The following FGF12 variants were observed in gnomAD, a reference collection of about 807,000 sequenced individuals.
FGF12 encodes fibroblast growth factor 12, also known as fibroblast growth factor 12B.
In FGF12, 14 loss-of-function variants were observed where a neutral mutation model predicts 23.6. That is an observed-to-expected ratio of 0.59 (90% CI 0.39 to 0.93). FGF12 has a LOEUF of 0.93. FGF12 is among the 40% of genes least tolerant of loss of function. FGF12 has a pLI of 0.00. For synonymous variants in FGF12, 62 were observed against 77.3 expected, an observed-to-expected ratio of 0.80 and a Z score of 1.04; for missense variants, 175 against 217.8, an observed-to-expected ratio of 0.80 and a Z score of 1.24.
At chr3:192,400,431 C>T (rs1020819217) in intron 2 of FGF12, among the ~76,000 whole-genome samples, 2 of 146,030 alleles carry the variant, frequency 1.4e-5, no homozygotes, top group African/African-American at 2.5e-5. Flanking sequence ...TGCAATGACA[C>T]GACCTTGGCT....
intron 2 of FGF12, among the ~76,000 whole-genome samples, chr3:192,506,417 C>G (rs1724299979): frequency 6.6e-6 from 1 of 152,252 alleles, no homozygotes; most frequent in Non-Finnish European, 1.5e-5. Flanking sequence ...GCAGCCCAGG[C>G]TGGAGTGCAG....
chr3:192,168,159 T>G (rs556096636), intron 5 of FGF12, among the ~76,000 whole-genome samples: 1 of 152,272 alleles, frequency 6.6e-6, no homozygotes. Flanking sequence ...TTTCTTTTCT[T>G]CATACTTTCC....
chr3:192,306,091 A>G (rs951346166), intron 4 of FGF12, among the ~76,000 whole-genome samples: 1 of 151,968 alleles, frequency 6.6e-6, no homozygotes, highest in African/African-American at 2.4e-5. Context: ...CGATCTCCTG[A>G]CCTCGTGATC....
intron 4 of FGF12, among the ~76,000 whole-genome samples, chr3:192,262,581 G>A (rs974769545): frequency 2.0e-5 from 3 of 151,992 alleles, no homozygotes; most frequent in African/African-American, 4.8e-5. Context: ...ATATCACTAC[G>A]TTACAACTGC....
intron 2 of FGF12, among the ~76,000 whole-genome samples, chr3:192,383,337 T>C (rs767562790): frequency 2.6e-5 from 4 of 152,188 alleles, no homozygotes; most frequent in Non-Finnish European, 5.9e-5. Context: ...AAGTCCATTG[T>C]ATCCTTGCTG....
chr3:192,224,896 A>C (rs1365475978), intron 4 of FGF12, among the ~76,000 whole-genome samples: 1 of 152,042 alleles, frequency 6.6e-6, no homozygotes, highest in East Asian at 1.9e-4. Flanking sequence ...CCAGTATGTA[A>C]ATGAATCAGC....
At chr3:192,475,009 T>A (rs11917429) in intron 2 of FGF12, among the ~76,000 whole-genome samples, 15,195 of 152,136 alleles carry the variant, frequency 0.1, 2,462 homozygotes, top group African/African-American at 0.34. Flanking sequence ...AAATCCCATA[T>A]CTACCTCATT....
At chr3:192,362,383 C>T (rs1224524725) in intron 2 of FGF12, among the ~76,000 whole-genome samples, 1 of 152,080 alleles carries the variant, frequency 6.6e-6, no homozygotes, top group Non-Finnish European at 1.5e-5. Flanking sequence ...GCTATCCCTC[C>T]CCCACCCCTC....
At chr3:192,690,174 C>CA (rs1408448685) in intron 2 of FGF12, among the ~76,000 whole-genome samples, 1 of 151,810 alleles carries the variant, frequency 6.6e-6, no homozygotes, top group Non-Finnish European at 1.5e-5. Flanking sequence ...TGGGATGAAA[C>CA]AAAAGGCTTA....
At chr3:192,150,557 AT>A (rs1713993877) in intron 5 of FGF12, among the ~76,000 whole-genome samples, 1 of 145,920 alleles carries the variant, frequency 6.9e-6, no homozygotes, top group African/African-American at 2.5e-5. Flanking sequence ...TCCCAGCACC[AT>A]TTATTAAATG....
At chr3:192,414,992 T>C (rs557008256) in intron 2 of FGF12, among the ~76,000 whole-genome samples, 4 of 151,998 alleles carry the variant, frequency 2.6e-5, no homozygotes, top group Non-Finnish European at 5.9e-5. Flanking sequence ...CTTGAAACAC[T>C]CTCCTTCTTA....
chr3:192,491,761 T>C (rs1723810020), intron 2 of FGF12, among the ~76,000 whole-genome samples: 1 of 152,128 alleles, frequency 6.6e-6, no homozygotes, highest in Non-Finnish European at 1.5e-5. Flanking sequence ...ATGTCACACC[T>C]AGAAAATTAT....
At chr3:192,532,470 T>C (rs1413345549) in intron 2 of FGF12, among the ~76,000 whole-genome samples, 1 of 152,150 alleles carries the variant, frequency 6.6e-6, no homozygotes, top group Non-Finnish European at 1.5e-5. Flanking sequence ...TTTCACCTAC[T>C]TAAGTATATT....
intron 2 of FGF12, among the ~76,000 whole-genome samples, chr3:192,434,922 G>A (rs1330251386): frequency 6.6e-6 from 1 of 151,984 alleles, no homozygotes; most frequent in Non-Finnish European, 1.5e-5. Context: ...CCGCTTTTCA[G>A]GTCTATGCGC....
At chr3:192,256,686 G>A (rs907911329) in intron 4 of FGF12, among the ~76,000 whole-genome samples, 9 of 152,070 alleles carry the variant, frequency 5.9e-5, no homozygotes, top group East Asian at 1.9e-4. Context: ...GATTCCTTAG[G>A]CAACAGCATA....
chr3:192,400,081 C>T (rs1341472678), intron 2 of FGF12, among the ~76,000 whole-genome samples: 3 of 152,142 alleles, frequency 2.0e-5, no homozygotes, highest in Non-Finnish European at 4.4e-5. Flanking sequence ...GGTGAATCTT[C>T]AAATGCAAAA....
chr3:192,304,865 A>G (rs1336039079), intron 4 of FGF12, among the ~76,000 whole-genome samples: 1 of 152,252 alleles, frequency 6.6e-6, no homozygotes, highest in African/African-American at 2.4e-5. Context: ...TTCTTGCTGT[A>G]TAAGCTCCTT....
chr3:192,199,636 C>T (rs1422698609), intron 4 of FGF12, among the ~76,000 whole-genome samples: 1 of 152,090 alleles, frequency 6.6e-6, no homozygotes, highest in African/African-American at 2.4e-5. Flanking sequence ...ATTATTTGGC[C>T]ATCTGAGAAA....
intron 2 of FGF12, among the ~76,000 whole-genome samples, chr3:192,465,116 T>A (rs1200294100): frequency 6.6e-6 from 1 of 152,208 alleles, no homozygotes; most frequent in Non-Finnish European, 1.5e-5. Flanking sequence ...TGGGGCAGAT[T>A]AAATCCCAAT....
Sources: allele counts gnomAD v4.1 joint callset (sites outside exome capture counted in the v4.1 genomes callset), GRCh38; gene constraint gnomAD v4.1.1; transcripts MANE v1.5; gene names NCBI Gene and HGNC (gene_info 2026-07-23, HGNC 2026-07-21).